SLC24A3: variants seen among roughly 807,000 people sequenced by gnomAD.
The protein encoded by SLC24A3 is sodium/potassium/calcium exchanger 3.
Under a neutral mutation model 75.8 loss-of-function variants are expected in SLC24A3, and 28 were observed. The observed-to-expected ratio is 0.37, with a 90% CI of 0.27 to 0.51. The LOEUF (loss-of-function observed/expected upper bound fraction) is 0.51. Ranked by LOEUF, SLC24A3 falls within the 20% of genes least tolerant of loss-of-function variation. The pLI, the probability that SLC24A3 is intolerant of heterozygous loss-of-function variation, is 0.94. For synonymous variants in SLC24A3, 372 were observed against 334.1 expected, an observed-to-expected ratio of 1.11 and a Z score of -1.24; for missense variants, 663 against 847.8, an observed-to-expected ratio of 0.78 and a Z score of 2.71.
intron 12 of SLC24A3, among the ~76,000 whole-genome samples, chr20:19,692,208 C>T (rs1159201449): frequency 6.6e-6 from 1 of 152,136 alleles, no homozygotes; most frequent in African/African-American, 2.4e-5. Flanking sequence ...ATGGTTCAAT[C>T]ATTTTGGAAA....
At chr20:19,456,255 CTA>C (rs2122489048) in intron 2 of SLC24A3, among the ~76,000 whole-genome samples, 1 of 152,324 alleles carries the variant, frequency 6.6e-6, no homozygotes, top group African/African-American at 2.4e-5. Context: ...TATGGTTTGG[CTA>C]TGTCTCCACC....
At chr20:19,462,265 G>A (rs1478340896) in intron 2 of SLC24A3, among the ~76,000 whole-genome samples, 1 of 143,482 alleles carries the variant, frequency 7.0e-6, no homozygotes, top group Non-Finnish European at 1.5e-5. Context: ...GCAGATGGCG[G>A]GTGGCTTTCT....
At chr20:19,621,598 A>T (rs138130929) in intron 6 of SLC24A3, among the ~76,000 whole-genome samples, 287 of 152,170 alleles carry the variant, frequency 1.9e-3, no homozygotes, top group Non-Finnish European at 3.1e-3. Context: ...TTCTAGACCA[A>T]TGTCTCTCCC....
chr20:19,542,857 G>A (rs865951199), intron 3 of SLC24A3, among the ~76,000 whole-genome samples: 3 of 152,254 alleles, frequency 2.0e-5, no homozygotes, highest in Middle Eastern at 6.8e-3. Context: ...AGAATCTCCA[G>A]GATGGTCTAT....
At chr20:19,545,422 C>G (rs6081636) in intron 3 of SLC24A3, among the ~76,000 whole-genome samples, 1 of 152,078 alleles carries the variant, frequency 6.6e-6, no homozygotes, top group African/African-American at 2.4e-5. Context: ...AGAGCTGCTC[C>G]GTGTATGCAG....
chr20:19,515,839 C>A (rs1600261764), intron 3 of SLC24A3, among the ~76,000 whole-genome samples: 1 of 152,242 alleles, frequency 6.6e-6, no homozygotes, highest in African/African-American at 2.4e-5. Flanking sequence ...CATGACTTAA[C>A]CCTACTCTCT....
At chr20:19,694,574 AT>A (rs1360616647) in intron 13 of SLC24A3, 3 of 152,146 alleles carry the variant, frequency 2.0e-5, no homozygotes, top group African/African-American at 7.2e-5. Context: ...CATCTGACAT[AT>A]GCACCAAGAG....
At chr20:19,312,938 C>G (rs1984493537) in intron 2 of SLC24A3, among the ~76,000 whole-genome samples, 1 of 151,828 alleles carries the variant, frequency 6.6e-6, no homozygotes, top group Non-Finnish European at 1.5e-5. Flanking sequence ...TGTAAAGTTC[C>G]CATTTACTTT....
At chr20:19,227,771 G>A (rs929270980) in intron 1 of SLC24A3, among the ~76,000 whole-genome samples, 2 of 151,992 alleles carry the variant, frequency 1.3e-5, no homozygotes, top group Non-Finnish European at 2.9e-5. Context: ...TAACTTATTA[G>A]CATGTTAATT....
intron 2 of SLC24A3, among the ~76,000 whole-genome samples, chr20:19,513,254 T>G (rs1334541327): frequency 6.6e-6 from 1 of 152,188 alleles, no homozygotes; most frequent in Non-Finnish European, 1.5e-5. Flanking sequence ...GGGGGTGGCA[T>G]GTGTGAGGGG....
At chr20:19,372,234 T>A (rs1986005375) in intron 2 of SLC24A3, among the ~76,000 whole-genome samples, 1 of 152,190 alleles carries the variant, frequency 6.6e-6, no homozygotes, top group Non-Finnish European at 1.5e-5. Flanking sequence ...ATGTGCTATA[T>A]CTGTATTTGT....
intron 2 of SLC24A3, among the ~76,000 whole-genome samples, chr20:19,457,010 G>A (rs1037683656): frequency 1.3e-5 from 2 of 152,222 alleles, no homozygotes; most frequent in South Asian, 4.1e-4. Context: ...ATAAGAGGAG[G>A]CATGTGCCAG....
intron 3 of SLC24A3, among the ~76,000 whole-genome samples, chr20:19,535,892 G>T (rs2030387773): frequency 6.6e-6 from 1 of 152,144 alleles, no homozygotes; most frequent in Admixed American, 6.5e-5. Flanking sequence ...GCTGGCATCT[G>T]GCAGGGTCCT....
chr20:19,483,839 G>A (rs989617160), intron 2 of SLC24A3, among the ~76,000 whole-genome samples: 21 of 152,140 alleles, frequency 1.4e-4, no homozygotes, highest in Admixed American at 4.6e-4. Context: ...AGAACTGAGG[G>A]ACCTAAGAAC....
intron 3 of SLC24A3, among the ~76,000 whole-genome samples, chr20:19,525,753 C>G (rs1209682342): frequency 2.6e-5 from 4 of 152,156 alleles, no homozygotes; most frequent in Non-Finnish European, 5.9e-5. Flanking sequence ...AGATCCCACC[C>G]AGCTGGGCCG....
At chr20:19,594,856 A>G (rs1162383827) in intron 6 of SLC24A3, among the ~76,000 whole-genome samples, 1 of 152,168 alleles carries the variant, frequency 6.6e-6, no homozygotes, top group East Asian at 1.9e-4. Flanking sequence ...TACATGAGAG[A>G]GAAGTTACTG....
intron 3 of SLC24A3, among the ~76,000 whole-genome samples, chr20:19,579,794 G>T (rs1257823328): frequency 6.6e-6 from 1 of 152,200 alleles, no homozygotes; most frequent in East Asian, 1.9e-4. Flanking sequence ...AGGGAAGTGG[G>T]CAAAAGGAGA....
chr20:19,721,371 C>G lies in SLC24A3; in HGVS notation c.*231C>G. ...TCCTGCCTCCTCCGTGTGAAGACATCCAACATCCACGTGACTTTTCCAGCT... is the reference window on the plus strand; with the variant it reads ...TCCTGCCTCCTCCGTGTGAAGACATGCAACATCCACGTGACTTTTCCAGCT... On this transcript the variant is annotated 3_prime_UTR_variant, in exon 17 of 17. Coordinates refer to ENST00000328041, the MANE Select transcript of SLC24A3 (RefSeq NM_020689.4). 2.1e-6 allele frequency: 1 copy of G among 478,628 alleles called. No individual in the cohort carries two copies. The highest frequency in any genetic ancestry group is 3.9e-5 in the South Asian group (1 of 25,646). 29.6% of individuals were successfully genotyped at this position (478,628 alleles called of 1,614,324 possible).
At chr20:19,403,873 C>T (rs181419678) in intron 2 of SLC24A3, among the ~76,000 whole-genome samples, 18 of 152,278 alleles carry the variant, frequency 1.2e-4, no homozygotes, top group East Asian at 1.9e-4. Context: ...GTGGTTTTCT[C>T]GACCATTTAT....
Sources: gnomAD v4.1 joint callset for allele counts (sites outside exome capture counted in the v4.1 genomes callset) on GRCh38, gnomAD v4.1.1 for gene constraint, MANE v1.5 for transcripts, NCBI Gene and HGNC (gene_info 2026-07-23, HGNC 2026-07-21) for gene names.